Variants in CAMK4 observed in about 807,000 individuals in gnomAD.
CAMK4 encodes the protein calcium/calmodulin-dependent protein kinase type IV.
Under a neutral mutation model 44.9 loss-of-function variants are expected in CAMK4, and 22 were observed. The ratio of observed to expected loss-of-function variants is 0.49; its 90% CI spans 0.35 to 0.70. The LOEUF (loss-of-function observed/expected upper bound fraction) is 0.70, where lower values mean the gene tolerates loss of function less well. Among genes scored for constraint, CAMK4 ranks in the 30% least tolerant of loss-of-function variants. The pLI, the probability that CAMK4 is intolerant of heterozygous loss-of-function variation, is 0.01. For synonymous variants in CAMK4, 218 were observed against 215.4 expected (o/e 1.01, Z -0.11); for missense variants, 498 against 586.8 (o/e 0.85, Z 1.56).
At chr5:111,284,916 A>G (rs1029161409) in intron 1 of CAMK4, among the ~76,000 whole-genome samples, 3 of 152,020 alleles carry the variant, frequency 2.0e-5, no homozygotes, top group African/African-American at 7.3e-5. Flanking sequence ...ATTATGACAA[A>G]CTCACTTTTT....
At chr5:111,367,649 A>C (rs369406) in intron 2 of CAMK4, among the ~76,000 whole-genome samples, 1 of 152,030 alleles carries the variant, frequency 6.6e-6, no homozygotes, top group Non-Finnish European at 1.5e-5. Context: ...TTTTGGGTTT[A>C]AATGAGATAG....
chr5:111,270,102 TTC>T (rs1169974584), intron 1 of CAMK4: 1 of 152,314 alleles, frequency 6.6e-6, no homozygotes, highest in African/African-American at 2.4e-5. Flanking sequence ...CCAAAGAGCT[TTC>T]TCTCTCCGCT....
At position 111,224,399 on chromosome 5, in the gene CAMK4, G is replaced by T. The variant is rs1748058318; in HGVS notation, c.-85G>T. 2.7e-6 allele frequency: 4 copies of T among 1,468,852 alleles called. No homozygotes were observed. Among genetic ancestry groups the T allele is most frequent in the African/African-American group, 1.5e-5 (1 of 67,666 alleles). The allele number at this position is 1,468,852 out of a possible 1,614,324, so 91.0% of individuals were successfully genotyped here. A position where few individuals can be genotyped will look rare whatever the true frequency, so the allele number is the denominator to read the frequency against. ...GACGCCGCCTCTCTCTCGCTCCTGC[G>T]TTCGCAGGCGGCGGCTGGCGGCCGG... On this transcript the variant is annotated 5_prime_UTR_variant, in exon 1 of 11. Coordinates refer to ENST00000282356, the MANE Select transcript of CAMK4 (RefSeq NM_001744.6). This position sits in a 1 kb window ranked among gnomAD's most constrained non-coding sequence, Gnocchi z 5.7.
At chr5:111,426,169 G>A (rs921503815) in intron 5 of CAMK4, among the ~76,000 whole-genome samples, 1 of 151,966 alleles carries the variant, frequency 6.6e-6, no homozygotes, top group Non-Finnish European at 1.5e-5. Context: ...ATGCAGTATT[G>A]GAAAGGACTG....
At position 111,262,872 on chromosome 5, in the gene CAMK4, A is replaced by G. The variant is rs370796668; in HGVS notation, c.161+38228A>G. 9.8e-5 allele frequency among the ~76,000 whole-genome samples: 15 copies of G among 152,332 alleles called. No homozygotes were observed. The South Asian group carries it at 1.2e-3, about 13-fold the overall frequency. On this transcript the variant is annotated intron_variant, in intron 1 of 10. Coordinates refer to ENST00000282356, the MANE Select transcript of CAMK4 (RefSeq NM_001744.6). ...CTACTTTTCTTTCTTCTGACTTACTATTTATTAAAGGTGAATGTATTTATC... is the reference window on the plus strand; with the variant it reads ...CTACTTTTCTTTCTTCTGACTTACTGTTTATTAAAGGTGAATGTATTTATC...
At chr5:111,362,787 C>T (rs1169377807) in intron 2 of CAMK4, among the ~76,000 whole-genome samples, 1 of 152,038 alleles carries the variant, frequency 6.6e-6, no homozygotes, top group African/African-American at 2.4e-5. Flanking sequence ...CCCAGCCAGG[C>T]TCTGTGCCCA....
At chr5:111,297,757 A>T (rs1036993493) in intron 1 of CAMK4, among the ~76,000 whole-genome samples, 1 of 152,166 alleles carries the variant, frequency 6.6e-6, no homozygotes, top group Non-Finnish European at 1.5e-5. Flanking sequence ...TGAATGTTGT[A>T]GTTGTTACAC....
intron 7 of CAMK4, among the ~76,000 whole-genome samples, chr5:111,452,112 A>G (rs1237106956): frequency 6.6e-6 from 1 of 152,232 alleles, no homozygotes; most frequent in Non-Finnish European, 1.5e-5. Context: ...GATGAGTAAG[A>G]GTTCAACAAG....
intron 1 of CAMK4, among the ~76,000 whole-genome samples, chr5:111,239,980 A>G (rs915992122): frequency 6.6e-6 from 1 of 152,170 alleles, no homozygotes; most frequent in Non-Finnish European, 1.5e-5. Flanking sequence ...GTTTTTTGAT[A>G]TTTCATGTAT....
At chr5:111,224,249 A>G, upstream of CAMK4, 1 of 395,296 alleles carries the variant, frequency 2.5e-6, no homozygotes, top group Non-Finnish European at 4.3e-6. The surrounding 1 kb of genome is among the most constrained non-coding windows in gnomAD (Gnocchi z 5.7). Flanking sequence ...CGGTGCAGCT[A>G]GTCTCCCTCC....
At chr5:111,480,288 A>ACACACC (rs1364533152) in intron 9 of CAMK4, among the ~76,000 whole-genome samples, 11 of 145,230 alleles carry the variant, frequency 7.6e-5, no homozygotes, top group African/African-American at 2.3e-4. Context: ...ACACACACAC[A>ACACACC]CCCCTGGGTA....
intron 1 of CAMK4, among the ~76,000 whole-genome samples, chr5:111,325,782 T>C (rs1199613298): frequency 6.6e-6 from 1 of 152,090 alleles, no homozygotes; most frequent in East Asian, 1.9e-4. Context: ...ATTAGACCTT[T>C]GTCAGATGGA....
rs1324447296 is a variant in CAMK4, at chr5:111,230,694, G to A, written c.161+6050G>A. ...CTTTCTTGTAAACACTTTACCCTCA[G>A]ACATATATGTGTGGGTTATGTGTTT... On this transcript the variant is annotated intron_variant, in intron 1 of 10. Coordinates refer to ENST00000282356, the MANE Select transcript of CAMK4 (RefSeq NM_001744.6). 4.6e-5 allele frequency among the ~76,000 whole-genome samples: 7 copies of A among 152,158 alleles called. No individual in the cohort carries two copies. The East Asian group carries it at 1.4e-3, about 29-fold the overall frequency.
At chr5:111,254,745 A>G (rs976077585) in intron 1 of CAMK4, among the ~76,000 whole-genome samples, 1 of 152,148 alleles carries the variant, frequency 6.6e-6, no homozygotes, top group African/African-American at 2.4e-5. Flanking sequence ...CATCATGCAC[A>G]CCGCTCTACA....
At chr5:111,360,044 T>G (rs949194277) in intron 2 of CAMK4, among the ~76,000 whole-genome samples, 4 of 152,032 alleles carry the variant, frequency 2.6e-5, no homozygotes, top group Non-Finnish European at 5.9e-5. Flanking sequence ...CCCACCACAC[T>G]TACATCTGCA....
rs1406955610 is a variant in CAMK4 at position 111,235,504 on chromosome 5, C to T, written c.161+10860C>T. On this transcript the variant is annotated intron_variant, in intron 1 of 10. Coordinates refer to ENST00000282356, the MANE Select transcript of CAMK4 (RefSeq NM_001744.6). ...CCTCTCTTTTTCCCCTCAATGTGAA[C>T]ATGTACACTAATAACAATGTTCAAT... 3.3e-5 allele frequency among the ~76,000 whole-genome samples: 5 copies of T among 152,288 alleles called. No homozygotes were observed. In the East Asian group the frequency reaches 9.6e-4, roughly 29 times the overall value.
chr5:111,337,550 A>G (rs1291655854), intron 1 of CAMK4, among the ~76,000 whole-genome samples: 1 of 149,712 alleles, frequency 6.7e-6, no homozygotes, highest in Non-Finnish European at 1.5e-5. Context: ...TGTTGAAGTC[A>G]CAATAAAAAT....
At chr5:111,341,681 A>C (rs1460392716) in intron 1 of CAMK4, among the ~76,000 whole-genome samples, 1 of 151,320 alleles carries the variant, frequency 6.6e-6, no homozygotes, top group African/African-American at 2.4e-5. Context: ...CATAGACCTT[A>C]CTGTGCCAAG....
intron 4 of CAMK4, among the ~76,000 whole-genome samples, chr5:111,383,956 A>C (rs955156591): frequency 3.9e-5 from 6 of 152,210 alleles, no homozygotes; most frequent in Admixed American, 1.3e-4. Flanking sequence ...GAAGGGGAAA[A>C]TATATAGACA....
Sources: allele counts gnomAD v4.1 joint callset (sites outside exome capture counted in the v4.1 genomes callset), GRCh38; gene constraint gnomAD v4.1.1; non-coding constraint Gnocchi (gnomAD v3.1); transcripts MANE v1.5; gene names NCBI Gene and HGNC (gene_info 2026-07-23, HGNC 2026-07-21).